The following SMARCAL1 variants were observed in gnomAD, a reference collection of about 807,000 sequenced individuals.
SMARCAL1 encodes SNF2 related chromatin remodeling annealing helicase 1.
A neutral mutation model predicts 94.5 loss-of-function variants in SMARCAL1; 58 were observed. The ratio of observed to expected loss-of-function variants is 0.61; its 90% CI spans 0.50 to 0.76. The LOEUF (loss-of-function observed/expected upper bound fraction) is 0.76. Among genes scored for constraint, SMARCAL1 ranks in the 30% least tolerant of loss-of-function variants. The pLI is 0.00. For missense variants in SMARCAL1, 1,051 were observed against 1,177.9 expected (o/e 0.89, Z 1.58); for synonymous variants, 422 against 455.1 (o/e 0.93, Z 0.93).
intron 10 of SMARCAL1, among the ~76,000 whole-genome samples, chr2:216,443,928 T>C (rs1694252372): frequency 6.6e-6 from 1 of 152,248 alleles, no homozygotes; most frequent in Non-Finnish European, 1.5e-5. Flanking sequence ...AATGTCAAGC[T>C]TTTCTTTTTG....
intron 10 of SMARCAL1, 141 bp from the exon 11 acceptor site, chr2:216,446,877 A>T (rs1391336051): frequency 5.7e-6 from 5 of 880,578 alleles, no homozygotes; most frequent in Non-Finnish European, 7.4e-6. Context: ...AACTGCTTGC[A>T]TTGGCAATGC....
chr2:216,414,867 C>G lies in SMARCAL1; in HGVS notation c.163C>G (p.Gln55Glu), dbSNP rs1319175686. ...ATTCCAGGCCAAGCAAGGCCCATCC[C>G]AAAATTTCCCAAGGGAGTCTTGTAA... Reference protein sequence around the residue: ...NPFQAKQGPSQNFPRESCKPV... With the variant: ...NPFQAKQGPSENFPRESCKPV... Residue 55 changes from glutamine to glutamate, a missense_variant, in exon 3 of 18, where the codon CAA becomes GAA. Gln to Glu is a conservative substitution (Grantham distance 29, BLOSUM62 2). Transcript: ENST00000357276. The G allele has an allele frequency of 6.2e-7, 1 of 1,614,070 alleles. No individual in the cohort carries two copies. The highest frequency in any genetic ancestry group is 1.3e-5 in the African/African-American group (1 of 74,914).
In SMARCAL1 at chr2:216,442,709, A is replaced by G. The variant is rs1694222542; in HGVS notation, c.1710+4224A>G. On this transcript the variant is annotated intron_variant, in intron 10 of 17. Coordinates refer to ENST00000357276, the MANE Select transcript of SMARCAL1 (RefSeq NM_014140.4). ...TGTTGTTCCAAATGACTTCTACCGC[A>G]TTCTTGCAAATAGCATTCTATTGGA... 2.0e-5 allele frequency among the ~76,000 whole-genome samples: 3 copies of G among 152,228 alleles called. No homozygotes were observed. The South Asian group carries it at 6.2e-4, about 32-fold the overall frequency.
At chr2:216,431,679 A>C (rs892107755) in intron 7 of SMARCAL1, among the ~76,000 whole-genome samples, 3 of 152,230 alleles carry the variant, frequency 2.0e-5, no homozygotes, top group Admixed American at 1.3e-4. Flanking sequence ...AATCATGTGC[A>C]TGAAGGTGTA....
intron 6 of SMARCAL1, among the ~76,000 whole-genome samples, chr2:216,428,312 G>A (rs1693883457): frequency 6.6e-6 from 1 of 152,076 alleles, no homozygotes; most frequent in Non-Finnish European, 1.5e-5. Flanking sequence ...TTGAATAAAG[G>A]GGTTTTTTCC....
chr2:216,434,449 T>TA (rs1057143718), intron 8 of SMARCAL1, among the ~76,000 whole-genome samples: 1 of 152,116 alleles, frequency 6.6e-6, no homozygotes, highest in Non-Finnish European at 1.5e-5. Flanking sequence ...AAATTCCTCT[T>TA]AAAAAGAGTC....
chr2:216,434,883 G>A (rs569604882), intron 8 of SMARCAL1, among the ~76,000 whole-genome samples: 2 of 143,930 alleles, frequency 1.4e-5, no homozygotes, highest in South Asian at 4.3e-4. Context: ...TGAGACCCGA[G>A]GTTTCTCTCT....
chr2:216,438,871 TGTA>T (rs1694135739), intron 10 of SMARCAL1, among the ~76,000 whole-genome samples: 1 of 152,180 alleles, frequency 6.6e-6, no homozygotes, highest in Non-Finnish European at 1.5e-5. Context: ...CTAAGTCACT[TGTA>T]GTGGCAAAGC....
chr2:216,415,476 C>T lies in SMARCAL1; in HGVS notation c.772C>T (p.Leu258Phe). Residue 258 changes from leucine to phenylalanine, a missense_variant, in exon 3 of 18, where the codon CTC (leucine) becomes TTC (phenylalanine). By Grantham distance (22) the Leu-to-Phe change is conservative (BLOSUM62 0). Transcript: ENST00000357276. ...GGTGTTGATTGGGTACAATGCGGAACTCATTGCAGTGTTTAAGACCCTGCC... is the reference window on the plus strand; with the variant it reads ...GGTGTTGATTGGGTACAATGCGGAATTCATTGCAGTGTTTAAGACCCTGCC... ...FQVLIGYNAELIAVFKTLPSK... is the reference protein window; with the variant it reads ...FQVLIGYNAEFIAVFKTLPSK... The T allele has an allele frequency of 6.2e-7, 1 of 1,613,702 alleles. No homozygotes were observed. The highest frequency in any genetic ancestry group is 8.5e-7 in the Non-Finnish European group (1 of 1,179,986).
intron 9 of SMARCAL1, among the ~76,000 whole-genome samples, chr2:216,438,030 C>G (rs1694114881): frequency 6.6e-6 from 1 of 152,296 alleles, no homozygotes; most frequent in South Asian, 2.1e-4. Flanking sequence ...GGCTGGACAC[C>G]CCAGAGCTTT....
chr2:216,463,298 TGA>T (rs1483181294), intron 12 of SMARCAL1, among the ~76,000 whole-genome samples: 1 of 152,184 alleles, frequency 6.6e-6, no homozygotes, highest in Non-Finnish European at 1.5e-5. Flanking sequence ...TACTTTAGAC[TGA>T]GCCATCTATA....
In SMARCAL1 at chr2:216,428,614, TC is replaced by T. The variant is rs1693892555; in HGVS notation, c.1169del (p.Pro390HisfsTer47). 4 of 1,613,850 alleles carry T rather than the reference TC, an allele frequency of 2.5e-6. No individual in the cohort carries two copies. The highest frequency in any genetic ancestry group is 3.4e-6 in the Non-Finnish European group (4 of 1,180,034). ...HSKLIAKVRC[L>X]PQVQLDPLPT... ...TTTTCAGTTGCAAAGGTGCGCTGCC[TC>T]CCACAAGTTCAGCTGGACCCTCTGC... On this transcript the variant is annotated frameshift_variant, in exon 7 of 18. Transcript: ENST00000357276. LOFTEE classifies it high-confidence loss of function.
In SMARCAL1 at chr2:216,415,175, A is replaced by G. The variant is rs1340458748; in HGVS notation, c.471A>G (p.Thr157=). 1 of 1,613,530 alleles carries G rather than the reference A, an allele frequency of 6.2e-7. No individual in the cohort carries two copies. The change falls in exon 3 of 18, where the codon ACA becomes ACG. Residue 157 remains threonine (T), a synonymous_variant. Transcript: ENST00000357276. ...HAQASPEIRF[T]PFANPTHKPL... ...AGGCTTCACCTGAGATCAGGTTCAC[A>G]CCCTTTGCTAACCCAACTCATAAGC...
At chr2:216,419,597 G>C (rs1361508974) in intron 4 of SMARCAL1, among the ~76,000 whole-genome samples, 13 of 152,170 alleles carry the variant, frequency 8.5e-5, no homozygotes, top group Non-Finnish European at 4.4e-5. Flanking sequence ...CTAGGAGTGG[G>C]CTTAACTGGG....
chr2:216,467,486 A>C (rs796628219), intron 13 of SMARCAL1, among the ~76,000 whole-genome samples: 37 of 151,804 alleles, frequency 2.4e-4, no homozygotes, highest in African/African-American at 8.4e-4. Flanking sequence ...AAAAAAAAAA[A>C]AAAAAAGGGT....
chr2:216,438,383 T>A (rs778213657), intron 9 of SMARCAL1, 37 bp from the exon 10 acceptor site: 2 of 1,580,562 alleles, frequency 1.3e-6, no homozygotes, highest in Non-Finnish European at 1.7e-6. Flanking sequence ...CCACTCAGGA[T>A]TGGATCTTGT....
chr2:216,437,768 GAATA>G (rs1378598260), intron 9 of SMARCAL1, among the ~76,000 whole-genome samples: 4 of 151,400 alleles, frequency 2.6e-5, no homozygotes, highest in African/African-American at 9.7e-5. Flanking sequence ...AAGAAAAAAA[GAATA>G]AAGAAAAACA....
At chr2:216,446,930 A>C (rs1172552029) in intron 10 of SMARCAL1, 88 bp from the exon 11 acceptor site, 4 of 1,538,098 alleles carry the variant, frequency 2.6e-6, no homozygotes, top group Non-Finnish European at 3.6e-6. Context: ...TTCTGGGGGC[A>C]TCCAGCTCCT....
intron 14 of SMARCAL1, among the ~76,000 whole-genome samples, chr2:216,474,688 G>A (rs563104970): frequency 2.0e-5 from 3 of 152,056 alleles, no homozygotes; most frequent in African/African-American, 4.8e-5. Context: ...CCCAGGGGGC[G>A]GAGGTTGCCG....
Sources: allele counts gnomAD v4.1 joint callset (sites outside exome capture counted in the v4.1 genomes callset), GRCh38; gene constraint gnomAD v4.1.1; transcripts MANE v1.5; gene names NCBI Gene and HGNC (gene_info 2026-07-23, HGNC 2026-07-21).